Variants in PTPRM observed in about 807,000 individuals in gnomAD.
PTPRM encodes the protein receptor-type tyrosine-protein phosphatase mu.
A neutral mutation model predicts 186.7 loss-of-function variants in PTPRM; 47 were observed. That is an observed-to-expected ratio of 0.25 (90% CI 0.20 to 0.32). PTPRM has a LOEUF of 0.32. PTPRM is among the 10% of genes least tolerant of loss of function. PTPRM has a pLI of 1.00. For missense variants in PTPRM, 1,494 were observed against 1,865.0 expected, an observed-to-expected ratio of 0.80 and a Z score of 3.66; for synonymous variants, 668 against 674.9, an observed-to-expected ratio of 0.99 and a Z score of 0.16.
chr18:7,772,333 T>TTTTCTTTCTTTCTTTCTCTTTCTTTC (rs1328309877), intron 1 of PTPRM, among the ~76,000 whole-genome samples: 23 of 145,536 alleles, frequency 1.6e-4, no homozygotes, highest in African/African-American at 5.2e-4. Context: ...TCGTTCTTTC[T>TTTTCTTTCTTTCTTTCTCTTTCTTTC]TTTCTTTCTT....
chr18:8,110,183 G>C (rs1425328983), intron 11 of PTPRM, among the ~76,000 whole-genome samples: 1 of 152,146 alleles, frequency 6.6e-6, no homozygotes, highest in Non-Finnish European at 1.5e-5. Flanking sequence ...ACACAACAGT[G>C]ACTAAACCTT....
intron 19 of PTPRM, among the ~76,000 whole-genome samples, chr18:8,276,539 T>C (rs2094837589): frequency 6.6e-6 from 1 of 152,190 alleles, no homozygotes; most frequent in Admixed American, 6.5e-5. Flanking sequence ...TTATTGACCA[T>C]CAACTGTGGG....
At chr18:7,613,970 T>G (rs2037741904) in intron 1 of PTPRM, among the ~76,000 whole-genome samples, 2 of 152,172 alleles carry the variant, frequency 1.3e-5, no homozygotes, top group South Asian at 4.1e-4. Flanking sequence ...AGATAGTTAT[T>G]GGAAAAAAGA....
At chr18:7,610,643 A>G (rs1286864405) in intron 1 of PTPRM, among the ~76,000 whole-genome samples, 4 of 152,188 alleles carry the variant, frequency 2.6e-5, no homozygotes, top group Non-Finnish European at 5.9e-5. Context: ...GCCCAATGAC[A>G]TCATAGTCTT....
intron 14 of PTPRM, among the ~76,000 whole-genome samples, chr18:8,192,034 T>A (rs2146718272): frequency 6.6e-6 from 1 of 151,774 alleles, no homozygotes; most frequent in South Asian, 2.1e-4. Context: ...TATTTTATTA[T>A]TAATAATATT....
At chr18:7,990,306 G>A (rs908447091) in intron 7 of PTPRM, among the ~76,000 whole-genome samples, 4 of 152,124 alleles carry the variant, frequency 2.6e-5, no homozygotes, top group South Asian at 2.1e-4. Context: ...GTGAAGAATC[G>A]TGTGTGTTTG....
Position 8,380,164 on chromosome 18 carries a change from G to A in PTPRM, c.3787-132G>A, listed in dbSNP as rs577115040. On this transcript the variant is annotated intron_variant, in intron 28 of 32. Transcript: ENST00000580170. ...TTAGTCTATGTTGGTGCTGACAATG[G>A]TGACAGAATTCAACAGCTGTTAAAC... is the stretch of plus-strand genomic sequence containing the variant. 8.4e-5 allele frequency: 77 copies of A among 920,364 alleles called. 2 individuals are homozygous for A. The South Asian group carries it at 1.1e-3, about 13-fold the overall frequency. The allele number at this position is 920,364 out of a possible 1,614,324, so 57.0% of individuals were successfully genotyped here.
chr18:7,794,770 G>A (rs1463515066), intron 2 of PTPRM, among the ~76,000 whole-genome samples: 1 of 152,134 alleles, frequency 6.6e-6, no homozygotes, highest in African/African-American at 2.4e-5. Context: ...AACATTTAAA[G>A]TAATACCACT....
intron 19 of PTPRM, among the ~76,000 whole-genome samples, chr18:8,275,564 T>A (rs2094824483): frequency 6.6e-6 from 1 of 152,192 alleles, no homozygotes; most frequent in African/African-American, 2.4e-5. Context: ...TCTTAAAATC[T>A]CAAGCCTTTT....
rs73941045 is a variant in PTPRM at position 8,198,691 on chromosome 18, C to T, written c.2301-45367C>T. 4.3e-3 allele frequency among the ~76,000 whole-genome samples: 662 copies of T among 152,220 alleles called. 5 individuals carry two copies. The highest frequency in any genetic ancestry group is 0.015 in the African/African-American group (621 of 41,534). Reference sequence around the variant, plus strand: ...TCTGTCTTTCTTAATGACGAACCGACGGCTTTCCACCTTACCCTTTTGGCT... The same window carrying T: ...TCTGTCTTTCTTAATGACGAACCGATGGCTTTCCACCTTACCCTTTTGGCT... On this transcript the variant is annotated intron_variant, in intron 14 of 32. Coordinates refer to ENST00000580170, the MANE Select transcript of PTPRM (RefSeq NM_001105244.2).
At chr18:8,205,960 G>A (rs1458646797) in intron 14 of PTPRM, among the ~76,000 whole-genome samples, 1 of 152,118 alleles carries the variant, frequency 6.6e-6, no homozygotes. Context: ...AGCGTGTGAG[G>A]TCTGTGAAAT....
At chr18:7,807,279 C>G (rs1250529775) in intron 2 of PTPRM, among the ~76,000 whole-genome samples, 1 of 152,212 alleles carries the variant, frequency 6.6e-6, no homozygotes. Context: ...TCTTCTTACA[C>G]TGCCATGGAA....
At chr18:7,871,944 T>C (rs1039841799) in intron 2 of PTPRM, among the ~76,000 whole-genome samples, 10 of 152,304 alleles carry the variant, frequency 6.6e-5, no homozygotes, top group African/African-American at 1.4e-4. Flanking sequence ...ATTGTGTAAA[T>C]GATAAAGAAG....
At chr18:8,095,098 A>G (rs1177123493) in intron 11 of PTPRM, among the ~76,000 whole-genome samples, 1 of 152,056 alleles carries the variant, frequency 6.6e-6, no homozygotes, top group East Asian at 1.9e-4. Flanking sequence ...GGGGATATGG[A>G]GGAGGCTGCT....
At chr18:8,005,246 C>CA (rs1269291522) in intron 7 of PTPRM, among the ~76,000 whole-genome samples, 2 of 152,012 alleles carry the variant, frequency 1.3e-5, no homozygotes, top group Non-Finnish European at 2.9e-5. Context: ...ACAAATAAAT[C>CA]AAAAAAATTC....
At chr18:7,959,081 GATA>G (rs1051829586) in intron 7 of PTPRM, among the ~76,000 whole-genome samples, 1 of 152,128 alleles carries the variant, frequency 6.6e-6, no homozygotes, top group Non-Finnish European at 1.5e-5. Context: ...CAGAGGTGAT[GATA>G]ATAATAATAT....
chr18:7,966,499 G>T (rs956945690), intron 7 of PTPRM, among the ~76,000 whole-genome samples: 18 of 151,988 alleles, frequency 1.2e-4, no homozygotes, highest in Non-Finnish European at 2.1e-4. Flanking sequence ...CTCCCAGCGT[G>T]AGCGACGCAG....
intron 19 of PTPRM, among the ~76,000 whole-genome samples, chr18:8,270,946 G>C (rs1026546985): frequency 2.0e-5 from 3 of 152,080 alleles, no homozygotes; most frequent in African/African-American, 7.2e-5. Context: ...GGTGACTGTA[G>C]TTAATTATAC....
intron 19 of PTPRM, among the ~76,000 whole-genome samples, chr18:8,262,017 T>A (rs569590449): frequency 4.6e-3 from 536 of 116,734 alleles, no homozygotes; most frequent in Non-Finnish European, 8.1e-3. Flanking sequence ...GTGTGTCTGG[T>A]ACTGGTCCTC....
Sources: gnomAD v4.1 joint callset for allele counts (sites outside exome capture counted in the v4.1 genomes callset) on GRCh38, gnomAD v4.1.1 for gene constraint, MANE v1.5 for transcripts, NCBI Gene and HGNC (gene_info 2026-07-23, HGNC 2026-07-21) for gene names.